Variants in ACTG2 observed in about 807,000 individuals in gnomAD.
The protein encoded by ACTG2 is actin, gamma-enteric smooth muscle.
In ACTG2, 16 loss-of-function variants were observed where a neutral mutation model predicts 37.6. That is an observed-to-expected ratio of 0.43 (90% CI 0.29 to 0.65). The LOEUF (loss-of-function observed/expected upper bound fraction) is 0.65, where lower values mean the gene tolerates loss of function less well. ACTG2 is among the 30% of genes least tolerant of loss of function. The probability of loss-of-function intolerance (pLI) is 0.18; values close to 1 mark genes in which losing one functional copy is unlikely to be tolerated. For missense variants in ACTG2, 238 were observed against 490.9 expected (o/e 0.48, Z 4.87); for synonymous variants, 181 against 179.9 (o/e 1.01, Z -0.05).
Position 73,898,075 on chromosome 2 carries a change from T to C in ACTG2, c.-36-3201T>C, listed in dbSNP as rs1573458304. Among the ~76,000 whole-genome samples the C allele has an allele frequency of 2.0e-5, 3 of 152,150 alleles. No homozygotes were observed. In the South Asian group the frequency reaches 6.2e-4, roughly 32 times the overall value. The stretch of plus-strand genomic sequence containing the variant: ...GGCGTGGCCCTGGCACAGGAGGGAC[T>C]CCATTTCATAGAGAGAAAAGAACAC... On this transcript the variant is annotated intron_variant, in intron 1 of 8. Transcript: ENST00000345517.
Position 73,895,827 on chromosome 2 carries a change from G to A in ACTG2, c.-37+2776G>A, listed in dbSNP as rs1379734299. ...GCCCTTGACGACAGGGATTGACGAA[G>A]CCCGGATAGTAAATATTTTAGGCTT... On this transcript the variant is annotated intron_variant, in intron 1 of 8. Transcript: ENST00000345517. Among the ~76,000 whole-genome samples, 5 of 152,226 alleles carry A rather than the reference G, an allele frequency of 3.3e-5. No individual in the cohort carries two copies. In the South Asian group the frequency reaches 6.2e-4, roughly 19 times the overall value.
At chr2:73,911,818 T>A (rs2104818992) in intron 5 of ACTG2, among the ~76,000 whole-genome samples, 1 of 152,360 alleles carries the variant, frequency 6.6e-6, no homozygotes, top group South Asian at 2.1e-4. Flanking sequence ...TATAGAAGTG[T>A]GCTCAGCGTA....
chr2:73,902,998 AC>A (rs1275799830), intron 3 of ACTG2: 1 of 472,250 alleles, frequency 2.1e-6, no homozygotes, highest in African/African-American at 1.9e-5. Flanking sequence ...CCCTGTCAAG[AC>A]TTCACATAGG....
chr2:73,901,474 A>G (rs1481208724), intron 2 of ACTG2, 37 bp downstream of exon 2: 1 of 1,611,158 alleles, frequency 6.2e-7, no homozygotes, highest in Admixed American at 1.7e-5. Flanking sequence ...GCTTTGAGCC[A>G]CTAGGAGTAA....
chr2:73,902,983 A>C, intron 3 of ACTG2: 1 of 508,484 alleles, frequency 2.0e-6, no homozygotes, highest in Non-Finnish European at 3.5e-6. Flanking sequence ...TCTCATTCTT[A>C]TCTTCCCTGT....
At chr2:73,898,802 C>CTTTTTTTT (rs1165118275) in intron 1 of ACTG2, among the ~76,000 whole-genome samples, 2 of 93,016 alleles carry the variant, frequency 2.2e-5, no homozygotes, top group Non-Finnish European at 4.9e-5. Context: ...TTTTTTTTTT[C>CTTTTTTTT]TTTTTTTTTT....
rs933922819 is a variant in ACTG2 at position 73,893,008 on chromosome 2, A to T, written c.-80A>T. On this transcript the variant is annotated 5_prime_UTR_variant, in exon 1 of 9. Transcript: ENST00000345517. ...TTGCTCTGGTATTCATGCCAAAGAC[A>T]CACCAGCCCTCAGTCACTGGGAGAA... is the stretch of plus-strand genomic sequence containing the variant. 2 of 152,252 alleles carry T rather than the reference A, an allele frequency of 1.3e-5. No homozygotes were observed. The highest frequency in any genetic ancestry group is 4.8e-5 in the African/African-American group (2 of 41,438). 9.4% of individuals were successfully genotyped at this position (152,252 alleles called of 1,614,324 possible).
rs1380172468 is a variant in ACTG2 at position 73,914,837 on chromosome 2, C to G, written c.771C>G (p.Arg257=). Residue 257 remains arginine (R), a synonymous_variant, in exon 7 of 9, where the codon CGC becomes CGG. Coordinates refer to ENST00000345517, the MANE Select transcript of ACTG2 (RefSeq NM_001615.4). ...TCACCATTGGCAATGAGCGCTTCCG[C>G]TGCCCTGAGACCCTCTTCCAGCCTT... The part of the protein sequence containing the change: ...QVITIGNERF[R]CPETLFQPSF... 6.2e-7 allele frequency: 1 copy of G among 1,602,806 alleles called. No individual in the cohort carries two copies. Among genetic ancestry groups the G allele is most frequent in the Non-Finnish European group, 8.5e-7 (1 of 1,172,216 alleles).
chr2:73,899,317 C>G (rs1316697003), intron 1 of ACTG2, among the ~76,000 whole-genome samples: 1 of 152,050 alleles, frequency 6.6e-6, no homozygotes, highest in Non-Finnish European at 1.5e-5. Context: ...ATTTTTATAT[C>G]AGCCAGCCAT....
rs1721241 is a variant in ACTG2, at chr2:73,901,264, G to A, written c.-36-12G>A. 2.7e-6 allele frequency: 4 copies of A among 1,504,722 alleles called. No homozygotes were observed. Among genetic ancestry groups the A allele is most frequent in the African/African-American group, 1.4e-5 (1 of 71,004 alleles). The allele number at this position is 1,504,722 out of a possible 1,614,324, so 93.2% of individuals were successfully genotyped here. Reference sequence around the variant, plus strand: ...AGTGGCTGACTAGTTCTCTTCTCCCGCAAATCCCAAGGTGCTCCAGTCCCC... The same window carrying A: ...AGTGGCTGACTAGTTCTCTTCTCCCACAAATCCCAAGGTGCTCCAGTCCCC... On this transcript the variant is annotated splice_polypyrimidine_tract_variant and intron_variant, in intron 1 of 8. Coordinates refer to ENST00000345517, the MANE Select transcript of ACTG2 (RefSeq NM_001615.4).
intron 3 of ACTG2, among the ~76,000 whole-genome samples, chr2:73,905,562 A>G (rs1387475161): frequency 1.3e-5 from 2 of 152,306 alleles, no homozygotes; most frequent in East Asian, 3.9e-4. Flanking sequence ...AAACAAAAAA[A>G]TTGAAGTAAA....
intron 8 of ACTG2, among the ~76,000 whole-genome samples, chr2:73,917,222 G>C (rs563026634): frequency 6.6e-6 from 1 of 151,834 alleles, no homozygotes; most frequent in Non-Finnish European, 1.5e-5. Flanking sequence ...ATATTGAGAG[G>C]GTTAAGAAGG....
At chr2:73,915,299 C>A (rs115530975) in intron 7 of ACTG2, among the ~76,000 whole-genome samples, 8,266 of 142,946 alleles carry the variant, frequency 0.058, 833 homozygotes, top group African/African-American at 0.18. Flanking sequence ...GCAGGCAGAT[C>A]ACTTGAGCCT....
intron 1 of ACTG2, among the ~76,000 whole-genome samples, chr2:73,900,507 G>A (rs566217712): frequency 3.6e-4 from 55 of 152,328 alleles, no homozygotes; most frequent in African/African-American, 1.3e-3. Context: ...TCAGCATGGG[G>A]TAGGGAATCC....
chr2:73,908,355 G>A (rs978155877), intron 3 of ACTG2: 5 of 497,106 alleles, frequency 1.0e-5, no homozygotes, highest in Admixed American at 2.3e-5. Context: ...ACACTTGAGT[G>A]ATACAATGTG....
intron 2 of ACTG2, among the ~76,000 whole-genome samples, chr2:73,902,127 G>A (rs754805134): frequency 6.6e-5 from 10 of 151,286 alleles, no homozygotes; most frequent in African/African-American, 2.2e-4. Flanking sequence ...AGAAAACATC[G>A]TTGTCTGAAG....
chr2:73,904,767 GTGTGTGTGTGTATATATATATATATA>G (rs1232988843), intron 3 of ACTG2, among the ~76,000 whole-genome samples: 12 of 88,990 alleles, frequency 1.3e-4, no homozygotes, highest in African/African-American at 3.3e-4. Flanking sequence ...GTGTGTGTGT[GTGTGTGTGTGTATATATATATATATA>G]TATATATATA....
At chr2:73,901,028 C>A (rs1010517269) in intron 1 of ACTG2, among the ~76,000 whole-genome samples, 1 of 152,218 alleles carries the variant, frequency 6.6e-6, no homozygotes, top group African/African-American at 2.4e-5. Flanking sequence ...AAGACCCTAT[C>A]TCCAAATACA....
intron 3 of ACTG2, chr2:73,902,837 CT>C: frequency 1.4e-6 from 2 of 1,446,536 alleles, no homozygotes; most frequent in Non-Finnish European, 9.3e-7. Flanking sequence ...GGGTTCCTAA[CT>C]CCCCGTCTTG....
Sources: gnomAD v4.1 joint callset for allele counts (sites outside exome capture counted in the v4.1 genomes callset) on GRCh38, gnomAD v4.1.1 for gene constraint, MANE v1.5 for transcripts, NCBI Gene and HGNC (gene_info 2026-07-23, HGNC 2026-07-21) for gene names.